Variants in CTSZ observed in about 807,000 individuals in gnomAD.
The protein encoded by CTSZ is cathepsin Z, also known as carboxypeptidase LB.
Under a neutral mutation model 32.4 loss-of-function variants are expected in CTSZ, and 39 were observed. That is an observed-to-expected ratio of 1.20 (90% CI 0.93 to 1.57). The LOEUF (loss-of-function observed/expected upper bound fraction) is 1.57, where lower values mean the gene tolerates loss of function less well. Among genes scored for constraint, CTSZ ranks in the 40% most tolerant of loss-of-function variants. The pLI is 0.00. For missense variants in CTSZ, 397 were observed against 419.6 expected, an observed-to-expected ratio of 0.95 and a Z score of 0.47; for synonymous variants, 168 against 170.1, an observed-to-expected ratio of 0.99 and a Z score of 0.10.
rs1273641881 is a variant in CTSZ, at chr20:59,004,819, G to A, written c.307+1503C>T. Among the ~76,000 whole-genome samples, 2 of 152,074 alleles carry A rather than the reference G, an allele frequency of 1.3e-5. No homozygotes were observed. Among genetic ancestry groups the A allele is most frequent in the Non-Finnish European group, 2.9e-5 (2 of 67,994 alleles). On this transcript the variant is annotated intron_variant, in intron 2 of 5. Coordinates refer to ENST00000217131, the MANE Select transcript of CTSZ (RefSeq NM_001336.4). This position sits in a 1 kb window ranked among gnomAD's most constrained non-coding sequence, Gnocchi z 5.6. ...GCTGAGAAGGAGGTTTCAGGAGAAA[G>A]TGGGGTGAAGCAGTCATCCGCCCAG... is the stretch of plus-strand genomic sequence containing the variant.
intron 3 of CTSZ, among the ~76,000 whole-genome samples, chr20:58,998,807 C>T (rs1568682245): frequency 1.3e-5 from 2 of 152,268 alleles, no homozygotes; most frequent in Non-Finnish European, 2.9e-5. Context: ...CGGCGGCCCT[C>T]GGCCTGCCAT....
At position 58,996,640 on chromosome 20, in the gene CTSZ, C is replaced by T. The variant is rs1237007416; in HGVS notation, c.800G>A (p.Trp267Ter). ...CTTAAGAAAATGAAAACATCTTACC[C>T]ATGGTTCACCCCATGAATTCCGGAC... ...WIVRNSWGEP[W>*]GERGWLRIVT... The change falls in exon 5 of 6, where the codon TGG (tryptophan) becomes TAG (stop). Residue 267 changes from tryptophan (W) to a stop codon, truncating the protein, a stop_gained and splice_region_variant. Transcript: ENST00000217131. LOFTEE classifies it high-confidence loss of function. 1 of 1,614,088 alleles carries T rather than the reference C, an allele frequency of 6.2e-7. No individual in the cohort carries two copies.
chr20:58,999,325 C>T (rs2091877237), intron 3 of CTSZ, among the ~76,000 whole-genome samples: 1 of 152,138 alleles, frequency 6.6e-6, no homozygotes, highest in South Asian at 2.1e-4. Flanking sequence ...TGTGAGCCAC[C>T]GCGGTCACCA....
intron 5 of CTSZ, 93 bp from the exon 6 acceptor site, chr20:58,995,852 ATC>A (rs1203819107): frequency 3.6e-6 from 4 of 1,114,738 alleles, no homozygotes; most frequent in Non-Finnish European, 4.0e-6. Context: ...TTCTGCCTCC[ATC>A]TCTCAGGCCA....
At chr20:59,001,881 C>T (rs1167572173) in intron 2 of CTSZ, among the ~76,000 whole-genome samples, 2 of 152,240 alleles carry the variant, frequency 1.3e-5, no homozygotes, top group Non-Finnish European at 2.9e-5. Context: ...TCTGCCACAC[C>T]TCCCGCTACA....
At chr20:58,997,557 T>C (rs2091867162) in intron 4 of CTSZ, 46 bp downstream of exon 4, 2 of 1,492,262 alleles carry the variant, frequency 1.3e-6, no homozygotes, top group South Asian at 1.4e-5. Context: ...CCGCGGGACC[T>C]TTCCTCACCC....
chr20:58,995,580 A>C lies in CTSZ; in HGVS notation c.*69T>G. 7.0e-7 allele frequency: 1 copy of C among 1,419,858 alleles called. No homozygotes were observed. Among genetic ancestry groups the C allele is most frequent in the Admixed American group, 1.7e-5 (1 of 58,648 alleles). 88.0% of individuals were successfully genotyped at this position (1,419,858 alleles called of 1,614,324 possible). On this transcript the variant is annotated 3_prime_UTR_variant, in exon 6 of 6. Coordinates refer to ENST00000217131, the MANE Select transcript of CTSZ (RefSeq NM_001336.4). Reference sequence around the variant, plus strand: ...TCCTGCCAGCCAGCCTGGCACACATAACCATAGGATCCCCTCTGGTCATGG... The same window carrying C: ...TCCTGCCAGCCAGCCTGGCACACATCACCATAGGATCCCCTCTGGTCATGG...
intron 4 of CTSZ, 167 bp downstream of exon 4, chr20:58,997,436 C>A (rs773299129): frequency 3.5e-6 from 2 of 565,074 alleles, no homozygotes; most frequent in East Asian, 3.4e-5. Flanking sequence ...CTGAGTACAA[C>A]CGGCCAGAAG....
At position 58,996,676 on chromosome 20, in the gene CTSZ, T is replaced by C. The variant is rs1312775031; in HGVS notation, c.764A>G (p.Glu255Gly). The C allele has an allele frequency of 6.2e-7, 1 of 1,614,054 alleles. No individual in the cohort carries two copies. Among genetic ancestry groups the C allele is most frequent in the Non-Finnish European group, 8.5e-7 (1 of 1,179,972 alleles). Residue 255 changes from glutamate (E) to glycine (G), a missense_variant, in exon 5 of 6, where the codon GAG becomes GGG. By Grantham distance (98) the Glu-to-Gly change is moderately conservative (BLOSUM62 -2). Transcript: ENST00000217131. ...VAGWGISDGT[E>G]YWIVRNSWGE... ...CCATGAATTCCGGACAATCCAGTAC[T>C]CAGTCCCATCACTGATGCCCCACCC...
chr20:59,006,612 C>T, intron 1 of CTSZ, 127 bp from the exon 2 acceptor site: 2 of 1,010,510 alleles, frequency 2.0e-6, no homozygotes, highest in East Asian at 2.5e-5. Context: ...GCCACAATCA[C>T]CAGAGGTGAG....
intron 2 of CTSZ, among the ~76,000 whole-genome samples, chr20:59,003,699 G>T (rs566571137): frequency 6.6e-6 from 1 of 152,294 alleles, no homozygotes; most frequent in South Asian, 2.1e-4. Context: ...ATCCATAGGA[G>T]GGAGGGAGGG....
At chr20:59,006,072 G>T (rs2091907589) in intron 2 of CTSZ, 1 of 520,432 alleles carries the variant, frequency 1.9e-6, no homozygotes, top group African/African-American at 1.9e-5. Flanking sequence ...GGGGAGAGAG[G>T]GCACCTGGCA....
chr20:58,996,308 C>T (rs1392366136), intron 5 of CTSZ, among the ~76,000 whole-genome samples: 1 of 152,218 alleles, frequency 6.6e-6, no homozygotes, highest in African/African-American at 2.4e-5. Context: ...GGCAGAGCCC[C>T]TCTCCAGCAG....
In CTSZ at chr20:58,995,433, C is replaced by G. The variant is rs2091852897; in HGVS notation, c.*216G>C. 1 of 475,258 alleles carries G rather than the reference C, an allele frequency of 2.1e-6. No homozygotes were observed. The highest frequency in any genetic ancestry group is 3.7e-6 in the Non-Finnish European group (1 of 268,918). The allele number at this position is 475,258 out of a possible 1,614,324, so 29.4% of individuals were successfully genotyped here. On this transcript the variant is annotated 3_prime_UTR_variant, in exon 6 of 6. Coordinates refer to ENST00000217131, the MANE Select transcript of CTSZ (RefSeq NM_001336.4). ...CACTTCTTCACCAGGTGGCTGACTG[C>G]ATCATTGTGAGGCAGAGCCATGCTG...
chr20:59,005,123 A>G (rs899003927), intron 2 of CTSZ, among the ~76,000 whole-genome samples: 1 of 151,278 alleles, frequency 6.6e-6, no homozygotes, highest in Non-Finnish European at 1.5e-5. Flanking sequence ...AGCCCCACCC[A>G]CACCCTGCAG....
intron 5 of CTSZ, among the ~76,000 whole-genome samples, chr20:58,996,417 G>GA (rs2091860391): frequency 2.0e-5 from 3 of 152,162 alleles, no homozygotes; most frequent in Admixed American, 2.0e-4. Flanking sequence ...AGGGGCCAGG[G>GA]ATGCTGCTGA....
chr20:59,007,098 GC>G lies in CTSZ; in HGVS notation c.30del (p.Leu11PhefsTer192). 6.9e-7 allele frequency: 1 copy of G among 1,443,292 alleles called. No homozygotes were observed. The highest frequency in any genetic ancestry group is 1.4e-5 in the South Asian group (1 of 73,702). 89.4% of individuals were successfully genotyped at this position (1,443,292 alleles called of 1,614,324 possible). A position where few individuals can be genotyped will look rare whatever the true frequency, so the allele number is the denominator to read the frequency against. MARRGPGWR[P>X]LLLLVLLAGA... is the part of the protein sequence containing the mutation. ...CCCGCCAGCAGCACGAGCAGCAGAA[GC>G]GGCCGCCACCCTGGCCCGCGCCTCG... On this transcript the variant is annotated frameshift_variant, in exon 1 of 6. Coordinates refer to ENST00000217131, the MANE Select transcript of CTSZ (RefSeq NM_001336.4). LOFTEE classifies it high-confidence loss of function.
rs1316843994 is a variant in CTSZ, at chr20:58,997,695, G to C, written c.546C>G (p.Ile182Met). ...CCACCCTCCAGAGGGTGTAGTTCCG[G>C]ATGGCGTGGCACTCTTTGAATTCAT... ...TCNEFKECHA[I>M]RNYTLWRVGD... Residue 182 changes from isoleucine to methionine, a missense_variant, in exon 4 of 6, where the codon ATC becomes ATG. Transcript: ENST00000217131. The C allele has an allele frequency of 1.2e-6, 2 of 1,610,444 alleles. No individual in the cohort carries two copies. The highest frequency in any genetic ancestry group is 1.7e-6 in the Non-Finnish European group (2 of 1,178,418).
chr20:58,995,381 G>A lies in CTSZ; in HGVS notation c.*268C>T. The A allele has an allele frequency of 2.6e-6, 1 of 391,872 alleles. No homozygotes were observed. The highest frequency in any genetic ancestry group is 4.6e-6 in the Non-Finnish European group (1 of 219,502). 24.3% of individuals were successfully genotyped at this position (391,872 alleles called of 1,614,324 possible). On this transcript the variant is annotated 3_prime_UTR_variant, in exon 6 of 6. Coordinates refer to ENST00000217131, the MANE Select transcript of CTSZ (RefSeq NM_001336.4). Reference sequence around the variant, plus strand: ...CAAGTCCTCTGCTGAAGAAGACTGAGGTCCCATCGTTTCCTGTGTCGCAGG... The same window carrying A: ...CAAGTCCTCTGCTGAAGAAGACTGAAGTCCCATCGTTTCCTGTGTCGCAGG...
Sources: allele counts gnomAD v4.1 joint callset (sites outside exome capture counted in the v4.1 genomes callset), GRCh38; gene constraint gnomAD v4.1.1; non-coding constraint Gnocchi (gnomAD v3.1); transcripts MANE v1.5; gene names NCBI Gene and HGNC (gene_info 2026-07-23, HGNC 2026-07-21).